The following SAMM50 variants were observed in gnomAD, a reference collection of about 807,000 sequenced individuals.
SAMM50 encodes sorting and assembly machinery component 50 homolog.
Under a neutral mutation model 66.9 loss-of-function variants are expected in SAMM50, and 47 were observed. The ratio of observed to expected loss-of-function variants is 0.70; its 90% CI spans 0.56 to 0.90. The LOEUF (loss-of-function observed/expected upper bound fraction) is 0.90, where lower values mean the gene tolerates loss of function less well. Ranked by LOEUF, SAMM50 falls within the 40% of genes least tolerant of loss-of-function variation. The probability of loss-of-function intolerance (pLI) is 0.00; values close to 1 mark genes in which losing one functional copy is unlikely to be tolerated. For synonymous variants in SAMM50, 191 were observed against 214.1 expected, an observed-to-expected ratio of 0.89 and a Z score of 0.94; for missense variants, 535 against 595.3, an observed-to-expected ratio of 0.90 and a Z score of 1.05.
At chr22:43,991,881 C>T (rs1055187451) in intron 14 of SAMM50, among the ~76,000 whole-genome samples, 2 of 152,228 alleles carry the variant, frequency 1.3e-5, no homozygotes, top group South Asian at 2.1e-4. Context: ...GCCCCATCTT[C>T]GTTACCTCGT....
chr22:43,991,275 ATT>A (rs938187573), intron 14 of SAMM50, among the ~76,000 whole-genome samples: 56 of 116,602 alleles, frequency 4.8e-4, no homozygotes, highest in African/African-American at 1.4e-3. Context: ...CACGCCCGGC[ATT>A]TTTTTTTTTT....
rs761938697 is a variant in SAMM50, at chr22:43,996,310, C to T, written c.1365-28C>T. ...GATGGCAGGGCTGGCGGAGCGGCCG[C>T]CGCATCTGATCTCTCCCCTTTTTTT... On this transcript the variant is annotated intron_variant, in intron 14 of 14. Transcript: ENST00000350028. 3.1e-6 allele frequency: 5 copies of T among 1,613,688 alleles called. No homozygotes were observed. The Admixed American group carries it at 8.3e-5, about 27-fold the overall frequency.
intron 1 of SAMM50, among the ~76,000 whole-genome samples, chr22:43,956,864 T>G (rs1368530080): frequency 6.6e-6 from 1 of 152,228 alleles, no homozygotes; most frequent in Admixed American, 6.5e-5. Context: ...AGCAAAAGCC[T>G]TATGATTCTA....
At chr22:43,960,367 C>T (rs940678328) in intron 1 of SAMM50, among the ~76,000 whole-genome samples, 8 of 152,046 alleles carry the variant, frequency 5.3e-5, no homozygotes, top group East Asian at 1.9e-4. Flanking sequence ...AATGAAAGAA[C>T]GGAAAAGTCG....
intron 3 of SAMM50, among the ~76,000 whole-genome samples, chr22:43,965,232 G>A (rs901587706): frequency 6.6e-6 from 1 of 150,998 alleles, no homozygotes; most frequent in Non-Finnish European, 1.5e-5. Flanking sequence ...TTTAGATAGG[G>A]TCTTGCTCTG....
chr22:43,984,667 C>T (rs917172422), intron 12 of SAMM50, among the ~76,000 whole-genome samples: 4 of 129,742 alleles, frequency 3.1e-5, no homozygotes, highest in South Asian at 2.5e-4. Flanking sequence ...CTCGCTCTGT[C>T]GCCCAGGCTG....
At chr22:43,973,183 G>T in intron 6 of SAMM50, 53 bp from the exon 7 acceptor site, 3 of 1,347,154 alleles carry the variant, frequency 2.2e-6, no homozygotes, top group African/African-American at 1.4e-5. Context: ...TTAAATGTGT[G>T]CAAGTTCTAA....
At chr22:43,976,943 C>A in intron 9 of SAMM50, 122 bp downstream of exon 9, 1 of 622,272 alleles carries the variant, frequency 1.6e-6, no homozygotes, top group East Asian at 3.0e-5. Flanking sequence ...ATCGCACATG[C>A]AGTATCGCTT....
Position 43,983,953 on chromosome 22 carries a change from C to A in SAMM50, c.1028C>A (p.Thr343Lys). Reference protein sequence around the residue: ...IADRFYLGGPTSIRGFSMHSI... With the variant: ...IADRFYLGGPKSIRGFSMHSI... ...CCTAGGTTTTACCTTGGGGGACCCA[C>A]AAGCATCCGCGGATTCAGCATGCAC... Residue 343 changes from threonine (T) to lysine (K), a missense_variant, in exon 12 of 15, where the codon ACA becomes AAA. Thr to Lys is a moderately conservative substitution (Grantham distance 78). Coordinates refer to ENST00000350028, the MANE Select transcript of SAMM50 (RefSeq NM_015380.5). The surrounding 1 kb of genome is among the most constrained non-coding windows in gnomAD (Gnocchi z 4.2). The A allele has an allele frequency of 1.2e-6, 2 of 1,611,556 alleles. No individual in the cohort carries two copies. Among genetic ancestry groups the A allele is most frequent in the South Asian group, 2.2e-5 (2 of 90,418 alleles).
chr22:43,962,880 A>AGTTTTTTTTT (rs2050153492), intron 1 of SAMM50, among the ~76,000 whole-genome samples: 1 of 72,224 alleles, frequency 1.4e-5, no homozygotes, highest in Non-Finnish European at 2.5e-5. Flanking sequence ...CCTTTTGGTT[A>AGTTTTTTTTT]ATTTTTTTTT....
chr22:43,978,120 G>T (rs1204068402), intron 10 of SAMM50, among the ~76,000 whole-genome samples, 162 bp downstream of exon 10: 2 of 152,074 alleles, frequency 1.3e-5, no homozygotes, highest in African/African-American at 4.8e-5. Context: ...AGGTAGTCTG[G>T]GGAGAAGCCA....
rs58022542 is a variant in SAMM50 at position 43,962,881 on chromosome 22, ATTTTTTTT to A, written c.22-379_22-372del. On this transcript the variant is annotated intron_variant, in intron 1 of 14. Coordinates refer to ENST00000350028, the MANE Select transcript of SAMM50 (RefSeq NM_015380.5). ...GATTTGTGCGTGACCCTTTTGGTTA[ATTTTTTTT>A]TTTTTTTTTTTTTTTTTTTTTTTTT... 7.2e-3 allele frequency among the ~76,000 whole-genome samples: 471 copies of A among 65,480 alleles called. 2 individuals carry two copies. Among genetic ancestry groups the A allele is most frequent in the African/African-American group, 0.031 (440 of 14,140 alleles). 43.0% of individuals were successfully genotyped at this position (65,480 alleles called of 152,430 possible).
intron 1 of SAMM50, among the ~76,000 whole-genome samples, chr22:43,959,790 A>G (rs188871067): frequency 2.0e-5 from 3 of 152,336 alleles, no homozygotes; most frequent in African/African-American, 4.8e-5. Context: ...CTTGTCACAC[A>G]GTAGGATCTT....
At chr22:43,971,023 CAG>C (rs1234453665) in intron 4 of SAMM50, among the ~76,000 whole-genome samples, 1 of 151,962 alleles carries the variant, frequency 6.6e-6, no homozygotes, top group African/African-American at 2.4e-5. Flanking sequence ...AAAATATTGG[CAG>C]AGTGTGGCGG....
At chr22:43,984,080 C>G in intron 12 of SAMM50, 80 bp downstream of exon 12, 1 of 1,215,154 alleles carries the variant, frequency 8.2e-7, no homozygotes, top group Non-Finnish European at 1.2e-6. Flanking sequence ...TATTAGCTTA[C>G]AGCGATAATA....
At chr22:43,988,474 G>C (rs924847413) in intron 12 of SAMM50, 1 of 151,882 alleles carries the variant, frequency 6.6e-6, no homozygotes, top group Non-Finnish European at 1.5e-5. Flanking sequence ...GTTTAAAATG[G>C]AATGGACAGG....
In SAMM50 at chr22:43,964,494, A is replaced by G; in HGVS notation, c.175A>G (p.Lys59Glu). ...HVHFDGLGRTKDDIIICEIGD... is the reference protein window; with the variant it reads ...HVHFDGLGRTEDDIIICEIGD... ...TCATTTTGATGGACTTGGAAGGACT[A>G]AAGATGATATCATCATTTGTGAAAT... Residue 59 changes from lysine to glutamate, a missense_variant, in exon 3 of 15, where the codon AAA (lysine) becomes GAA (glutamate). Transcript: ENST00000350028. 3 of 1,612,778 alleles carry G rather than the reference A, an allele frequency of 1.9e-6. No individual in the cohort carries two copies. Among genetic ancestry groups the G allele is most frequent in the Non-Finnish European group, 2.5e-6 (3 of 1,178,758 alleles).
rs375268133 is a variant in SAMM50 at position 43,996,410 on chromosome 22, G to A, written c.*27G>A. 4.3e-6 allele frequency: 7 copies of A among 1,612,530 alleles called. No homozygotes were observed. The African/African-American group carries it at 8.0e-5, about 18-fold the overall frequency. On this transcript the variant is annotated 3_prime_UTR_variant, in exon 15 of 15. Transcript: ENST00000350028. ...CGACACCCCTACAGGAGAAGCTCTGGGACTGGGGCAGCAGCAAGGCGCCCA... is the reference window on the plus strand; with the variant it reads ...CGACACCCCTACAGGAGAAGCTCTGAGACTGGGGCAGCAGCAAGGCGCCCA...
In SAMM50 at chr22:43,961,102, C is replaced by A. The variant is rs2050145198; in HGVS notation, c.22-2184C>A. Among the ~76,000 whole-genome samples the A allele has an allele frequency of 2.0e-5, 3 of 152,162 alleles. No individual in the cohort carries two copies. In the South Asian group the frequency reaches 6.2e-4, roughly 32 times the overall value. ...GAAAGGGAATATGATACTGGCAGGT[C>A]AGTTACCTTTCCGGGGAAAAGTGGA... On this transcript the variant is annotated intron_variant, in intron 1 of 14. Transcript: ENST00000350028.
Sources: allele counts gnomAD v4.1 joint callset (sites outside exome capture counted in the v4.1 genomes callset), GRCh38; gene constraint gnomAD v4.1.1; non-coding constraint Gnocchi (gnomAD v3.1); transcripts MANE v1.5; gene names NCBI Gene and HGNC (gene_info 2026-07-23, HGNC 2026-07-21).